The following BBS9 variants were observed in gnomAD, a reference collection of about 807,000 sequenced individuals.
The protein encoded by BBS9 is Bardet-Biedl syndrome 9.
BBS9 carries 89 observed loss-of-function variants against 117.7 expected under a neutral mutation model. The observed-to-expected ratio is 0.76, with a 90% CI of 0.64 to 0.90. The LOEUF (loss-of-function observed/expected upper bound fraction) is 0.90, where lower values mean the gene tolerates loss of function less well. Ranked by LOEUF, BBS9 falls within the 40% of genes least tolerant of loss-of-function variation. The probability of loss-of-function intolerance (pLI) is 0.00; values close to 1 mark genes in which losing one functional copy is unlikely to be tolerated. For missense variants in BBS9, 982 were observed against 1,042.2 expected (o/e 0.94, Z 0.80); for synonymous variants, 379 against 370.9 (o/e 1.02, Z -0.25).
intron 19 of BBS9, among the ~76,000 whole-genome samples, chr7:33,479,420 G>A (rs1033049027): frequency 6.6e-6 from 1 of 152,132 alleles, no homozygotes; most frequent in Non-Finnish European, 1.5e-5. Flanking sequence ...CTACATCCAT[G>A]TTGCTGCCAA....
intron 21 of BBS9, among the ~76,000 whole-genome samples, chr7:33,575,015 G>A (rs1173551417): frequency 6.6e-6 from 1 of 151,900 alleles, no homozygotes; most frequent in African/African-American, 2.4e-5. Flanking sequence ...CTTTTATCTG[G>A]CTTCTACTAT....
intron 21 of BBS9, among the ~76,000 whole-genome samples, chr7:33,617,096 A>G (rs1363206050): frequency 6.6e-6 from 1 of 152,074 alleles, no homozygotes; most frequent in African/African-American, 2.4e-5. Context: ...TAAATATACT[A>G]TATTTTCTTT....
intron 9 of BBS9, among the ~76,000 whole-genome samples, chr7:33,305,212 T>C (rs1487456866): frequency 2.0e-5 from 3 of 152,080 alleles, no homozygotes; most frequent in African/African-American, 4.8e-5. Context: ...ATATTGATCA[T>C]TTTGCTTATG....
chr7:33,463,337 T>A (rs1261235878), intron 19 of BBS9, among the ~76,000 whole-genome samples: 1 of 152,086 alleles, frequency 6.6e-6, no homozygotes, highest in Non-Finnish European at 1.5e-5. Flanking sequence ...CAAAGGGAGT[T>A]TCTACATTAA....
At chr7:33,405,906 T>A (rs1248371886) in intron 19 of BBS9, among the ~76,000 whole-genome samples, 1 of 152,128 alleles carries the variant, frequency 6.6e-6, no homozygotes, top group Non-Finnish European at 1.5e-5. Context: ...GTGTTTGCTA[T>A]TGCTTTTCTA....
chr7:33,335,546 C>T (rs1351769384), intron 9 of BBS9, among the ~76,000 whole-genome samples: 1 of 152,028 alleles, frequency 6.6e-6, no homozygotes, highest in African/African-American at 2.4e-5. Flanking sequence ...AGGGAGGAAG[C>T]AAATACAGTA....
In BBS9 at chr7:33,397,748, A is replaced by C. The variant is rs550115182; in HGVS notation, c.2115+9604A>C. ...AACCAAACACTGCATGTTCTCACTT[A>C]TAAGTGGGAGCTGAATGATGAGAAC... On this transcript the variant is annotated intron_variant, in intron 19 of 22. Coordinates refer to ENST00000242067, the MANE Select transcript of BBS9 (RefSeq NM_198428.3). Among the ~76,000 whole-genome samples, 12 of 152,312 alleles carry C rather than the reference A, an allele frequency of 7.9e-5. No homozygotes were observed. The South Asian group carries it at 2.1e-3, about 26-fold the overall frequency.
At chr7:33,331,416 C>T (rs1814015434) in intron 9 of BBS9, among the ~76,000 whole-genome samples, 2 of 151,966 alleles carry the variant, frequency 1.3e-5, no homozygotes, top group Admixed American at 6.6e-5. Context: ...GAAGTCCTAG[C>T]CAGAGCAATC....
intron 21 of BBS9, among the ~76,000 whole-genome samples, chr7:33,621,567 T>A (rs893520429): frequency 6.6e-6 from 1 of 152,176 alleles, no homozygotes; most frequent in Non-Finnish European, 1.5e-5. Flanking sequence ...AAGGAACCCT[T>A]GCACATTGTT....
At chr7:33,365,737 G>A (rs553956301) in intron 16 of BBS9, among the ~76,000 whole-genome samples, 2 of 152,334 alleles carry the variant, frequency 1.3e-5, no homozygotes, top group South Asian at 4.1e-4. Flanking sequence ...AGTGCCTGGG[G>A]CACAGGAACC....
chr7:33,297,637 A>G (rs1805541656), intron 9 of BBS9, among the ~76,000 whole-genome samples: 1 of 152,148 alleles, frequency 6.6e-6, no homozygotes, highest in Admixed American at 6.6e-5. Flanking sequence ...AGTGGGCAAC[A>G]AAAGATGTAT....
chr7:33,269,033 G>A (rs1346886352), intron 7 of BBS9, among the ~76,000 whole-genome samples: 1 of 152,202 alleles, frequency 6.6e-6, no homozygotes, highest in Non-Finnish European at 1.5e-5. Context: ...TTCTAGTTCA[G>A]CTTAAGATAG....
chr7:33,552,063 G>T (rs2129093508), intron 21 of BBS9, among the ~76,000 whole-genome samples: 1 of 152,198 alleles, frequency 6.6e-6, no homozygotes, highest in South Asian at 2.1e-4. Flanking sequence ...AAATAAATTA[G>T]ATAACATATC....
Position 33,415,162 on chromosome 7 carries a change from A to G in BBS9, c.2115+27018A>G, listed in dbSNP as rs1268201582. Among the ~76,000 whole-genome samples the G allele has an allele frequency of 2.6e-5, 4 of 152,138 alleles. No individual in the cohort carries two copies. The East Asian group carries it at 7.7e-4, about 29-fold the overall frequency. On this transcript the variant is annotated intron_variant, in intron 19 of 22. Transcript: ENST00000242067. ...AGGAAAGGATGCAAAGTCTATGGCA[A>G]ATTAAAGAAGGGAGATGGACTTAGA...
rs1554395477 is a variant in BBS9, at chr7:33,280,905, G to GGTTT, written c.1016+6949_1016+6950insGTTT. ...GTTTAAGTTTTGCTGTTAATTTGTCGTTTTTGTTTTTTTTTTTTTTTTTTT... is the reference window on the plus strand; with the variant it reads ...GTTTAAGTTTTGCTGTTAATTTGTCGGTTTTTTTTGTTTTTTTTTTTTTTTTTTT... On this transcript the variant is annotated intron_variant, in intron 9 of 22. Coordinates refer to ENST00000242067, the MANE Select transcript of BBS9 (RefSeq NM_198428.3). Among the ~76,000 whole-genome samples the GGTTT allele has an allele frequency of 1.0e-4, 5 of 48,772 alleles. 1 individual carries two copies. Among genetic ancestry groups the GGTTT allele is most frequent in the African/African-American group, 4.5e-4 (5 of 11,018 alleles). 32.0% of individuals were successfully genotyped at this position (48,772 alleles called of 152,430 possible). A position where few individuals can be genotyped will look rare whatever the true frequency, so the allele number is the denominator to read the frequency against.
intron 16 of BBS9, 21 bp downstream of exon 16, chr7:33,358,016 T>C (rs1432280041): frequency 6.8e-6 from 11 of 1,608,058 alleles, no homozygotes; most frequent in Non-Finnish European, 9.4e-6. Context: ...TGAAATAACA[T>C]GCCTGCAGCA....
chr7:33,582,399 G>A (rs1004375228), intron 21 of BBS9, among the ~76,000 whole-genome samples: 2 of 151,988 alleles, frequency 1.3e-5, no homozygotes, highest in African/African-American at 4.8e-5. Context: ...GCTAAGTGAA[G>A]GCCAGGACAG....
At chr7:33,460,291 G>A (rs982182727) in intron 19 of BBS9, among the ~76,000 whole-genome samples, 2 of 152,040 alleles carry the variant, frequency 1.3e-5, no homozygotes, top group African/African-American at 4.8e-5. Flanking sequence ...ATTCTCCTAA[G>A]ATAGTTTCTG....
At chr7:33,538,786 G>A (rs926031576) in intron 21 of BBS9, among the ~76,000 whole-genome samples, 1 of 140,730 alleles carries the variant, frequency 7.1e-6, no homozygotes, top group Non-Finnish European at 1.5e-5. Context: ...AAAAAAAAAA[G>A]GGAGTGAGTT....
Sources: gnomAD v4.1 joint callset for allele counts (sites outside exome capture counted in the v4.1 genomes callset) on GRCh38, gnomAD v4.1.1 for gene constraint, MANE v1.5 for transcripts, NCBI Gene and HGNC (gene_info 2026-07-23, HGNC 2026-07-21) for gene names.